CPM: variants seen among roughly 807,000 people sequenced by gnomAD.
The protein encoded by CPM is renal carboxypeptidase.
In CPM, 35 loss-of-function variants were observed where a neutral mutation model predicts 46.4. The ratio of observed to expected loss-of-function variants is 0.75; its 90% CI spans 0.58 to 1.00. The LOEUF is 1.00. CPM is among the 50% of genes least tolerant of loss of function. CPM has a pLI of 0.00. For synonymous variants in CPM, 195 were observed against 195.3 expected (o/e 1.00, Z 0.01); for missense variants, 422 against 530.4 (o/e 0.80, Z 2.01).
At chr12:68,850,940 C>T (rs1381138911), downstream of CPM, among the ~76,000 whole-genome samples, 3 of 152,016 alleles carry the variant, frequency 2.0e-5, no homozygotes, top group Admixed American at 2.0e-4. Flanking sequence ...TGCCCCACAA[C>T]ACAAATTAAT....
chr12:68,872,011 G>C (rs1885721301), intron 3 of CPM, 55 bp from the exon 4 acceptor site: 1 of 1,583,550 alleles, frequency 6.3e-7, no homozygotes, highest in African/African-American at 1.3e-5. Context: ...AATAAGGAAA[G>C]CACTCCCTAC....
chr12:68,939,100 A>C (rs929671394), intron 1 of CPM, among the ~76,000 whole-genome samples: 14 of 146,224 alleles, frequency 9.6e-5, no homozygotes, highest in Non-Finnish European at 1.8e-4. Context: ...ATGTATCTAT[A>C]TATACATTTA....
At chr12:68,868,756 C>G (rs953950050) in intron 6 of CPM, among the ~76,000 whole-genome samples, 1 of 152,124 alleles carries the variant, frequency 6.6e-6, no homozygotes, top group African/African-American at 2.4e-5. Flanking sequence ...GCTTTAAAAT[C>G]ATGATACTTC....
rs535714641 is a variant in CPM, at chr12:68,844,041, C to T, written c.534-1712G>A. 1.5e-5 allele frequency: 3 copies of T among 206,604 alleles called. No homozygotes were observed. In the East Asian group the frequency reaches 2.2e-4, roughly 15 times the overall value. The allele number at this position is 206,604 out of a possible 1,614,324, so 12.8% of individuals were successfully genotyped here. ...TAAATGTGATTATAAACATAGTACA[C>T]TTGATATATGGAGGCAGTGACAGCT... On this transcript the variant is annotated intron_variant, in intron 5 of 5. Coordinates refer to the CPM transcript ENST00000551897.
At chr12:68,951,468 AG>A (rs567481413) in intron 1 of CPM, among the ~76,000 whole-genome samples, 294 of 152,222 alleles carry the variant, frequency 1.9e-3, no homozygotes, top group African/African-American at 6.7e-3. Flanking sequence ...GGTGGTGAGT[AG>A]GGGAGAGGAG....
At chr12:68,941,165 G>A (rs75474567) in intron 1 of CPM, among the ~76,000 whole-genome samples, 2,395 of 140,440 alleles carry the variant, frequency 0.017, 58 homozygotes, top group African/African-American at 0.066. Flanking sequence ...AAGATGTGCT[G>A]AGTACGTGTG....
chr12:68,916,908 G>A (rs1213613006), intron 2 of CPM, among the ~76,000 whole-genome samples: 97 of 134,648 alleles, frequency 7.2e-4, no homozygotes, highest in Admixed American at 2.2e-3. Context: ...AAAAAAAAAA[G>A]AGAGAGAGAG....
At chr12:68,936,062 G>C (rs934589512), upstream of CPM, among the ~76,000 whole-genome samples, 1 of 152,160 alleles carries the variant, frequency 6.6e-6, no homozygotes, top group African/African-American at 2.4e-5. Flanking sequence ...AGGAGTCAGA[G>C]AATGGAGGTA....
At chr12:68,905,098 G>T (rs1887284874) in intron 2 of CPM, among the ~76,000 whole-genome samples, 1 of 151,846 alleles carries the variant, frequency 6.6e-6, no homozygotes, top group African/African-American at 2.4e-5. Flanking sequence ...TAGTAGAGAT[G>T]GGGGTTTCAC....
intron 2 of CPM, among the ~76,000 whole-genome samples, chr12:68,930,208 G>A (rs1250759738): frequency 2.0e-5 from 3 of 152,168 alleles, no homozygotes; most frequent in African/African-American, 7.2e-5. Context: ...AGCCTCTCTA[G>A]TAGCGGGAAC....
Position 68,865,005 on chromosome 12 carries a change from A to T in CPM, c.940+1891T>A, listed in dbSNP as rs147478813. On this transcript the variant is annotated intron_variant, in intron 7 of 8. Coordinates refer to ENST00000551568, the MANE Select transcript of CPM (RefSeq NM_198320.5). ...ACTCCAGCCTGGGTGACAGAGTGAG[A>T]CCCTGTCTCTAAAATGATGATAATG... Among the ~76,000 whole-genome samples the T allele has an allele frequency of 4.6e-3, 698 of 152,284 alleles. 6 individuals are homozygous for T. Among genetic ancestry groups the T allele is most frequent in the African/African-American group, 0.016 (678 of 41,548 alleles).
At chr12:68,845,552 G>T (rs931355203) in intron 5 of CPM, 1 of 186,488 alleles carries the variant, frequency 5.4e-6, no homozygotes, top group African/African-American at 2.3e-5. Context: ...TCTTTAGAGA[G>T]AGGAGTGGTA....
chr12:68,935,019 C>T (rs991718729), upstream of CPM, among the ~76,000 whole-genome samples: 7 of 152,036 alleles, frequency 4.6e-5, no homozygotes, highest in Non-Finnish European at 8.8e-5. Context: ...AAGCAATTCT[C>T]CTGCCTCAGC....
chr12:68,880,555 A>T (rs534223313), intron 3 of CPM, among the ~76,000 whole-genome samples: 78 of 152,302 alleles, frequency 5.1e-4, no homozygotes, highest in African/African-American at 1.8e-3. Flanking sequence ...GAGATAGATC[A>T]TAGATCTATA....
rs144566244 is a variant in CPM, at chr12:68,871,939, C to A, written c.276G>T (p.Leu92=). 2.7e-5 allele frequency: 43 copies of A among 1,613,988 alleles called. No individual in the cohort carries two copies. In the African/African-American group the frequency reaches 4.1e-4, roughly 16 times the overall value. ...MHGDETVGRE[L]LLHLIDYLVT... ...CGAGATAGTCAATCAGATGGAGCAG[C>A]AGCTCCCGCCCAACAGTCTATATGT... Residue 92 remains leucine, a synonymous_variant, in exon 4 of 9, where the codon CTG becomes CTT. Transcript: ENST00000551568.
chr12:68,871,919 T>A lies in CPM; in HGVS notation c.296A>T (p.Tyr99Phe), dbSNP rs200159655. ...GRELLLHLID[Y>F]LVTSDGKDPE... ...GTCTTTGCCATCACTGGTTACGAGATAGTCAATCAGATGGAGCAGCAGCTC... is the reference window on the plus strand; with the variant it reads ...GTCTTTGCCATCACTGGTTACGAGAAAGTCAATCAGATGGAGCAGCAGCTC... The change falls in exon 4 of 9, where the codon TAT becomes TTT. Residue 99 changes from tyrosine (Y) to phenylalanine (F), a missense_variant. Transcript: ENST00000551568. 6.2e-7 allele frequency: 1 copy of A among 1,613,956 alleles called. No homozygotes were observed. Among genetic ancestry groups the A allele is most frequent in the African/African-American group, 1.3e-5 (1 of 74,874 alleles).
At chr12:68,908,174 T>C (rs1414754185) in intron 2 of CPM, among the ~76,000 whole-genome samples, 3 of 152,188 alleles carry the variant, frequency 2.0e-5, no homozygotes, top group African/African-American at 4.8e-5. Context: ...TTGTACCAGA[T>C]GAGGGATTAA....
chr12:68,926,855 T>C (rs1361476641), intron 2 of CPM, among the ~76,000 whole-genome samples: 1 of 152,194 alleles, frequency 6.6e-6, no homozygotes, highest in Non-Finnish European at 1.5e-5. Context: ...AGAATGATGA[T>C]TTCCAATTTC....
intron 1 of CPM, among the ~76,000 whole-genome samples, chr12:68,955,697 C>A (rs748007602): frequency 6.6e-5 from 10 of 152,138 alleles, no homozygotes; most frequent in Non-Finnish European, 1.2e-4. Flanking sequence ...CTCCTATCCG[C>A]AGACAGGTTG....
Sources: gnomAD v4.1 joint callset for allele counts (sites outside exome capture counted in the v4.1 genomes callset) on GRCh38, gnomAD v4.1.1 for gene constraint, MANE v1.5 for transcripts, NCBI Gene and HGNC (gene_info 2026-07-23, HGNC 2026-07-21) for gene names.